The following CCDC192 variants were observed in gnomAD, a reference collection of about 807,000 sequenced individuals.
The protein encoded by CCDC192 is coiled-coil domain containing 192.
chr5:127,765,205 A>G (rs1313153274), intron 3 of CCDC192, among the ~76,000 whole-genome samples: 3 of 152,162 alleles, frequency 2.0e-5, no homozygotes, highest in Admixed American at 2.0e-4. Context: ...CTTTTCTACT[A>G]TCATTCTTTT....
chr5:127,758,234 G>C (rs1580608506), intron 3 of CCDC192, among the ~76,000 whole-genome samples: 1 of 152,132 alleles, frequency 6.6e-6, no homozygotes, highest in African/African-American at 2.4e-5. Flanking sequence ...GCCTAAATTT[G>C]TGCAAACTGG....
intron 6 of CCDC192, among the ~76,000 whole-genome samples, chr5:127,938,851 G>A (rs1754264179): frequency 6.6e-6 from 1 of 152,114 alleles, no homozygotes; most frequent in African/African-American, 2.4e-5. Flanking sequence ...GAAAGGAAAG[G>A]TGAGACCCTG....
intron 6 of CCDC192, among the ~76,000 whole-genome samples, chr5:127,928,770 C>CTT (rs1162784202): frequency 6.9e-6 from 1 of 145,118 alleles, no homozygotes; most frequent in African/African-American, 2.5e-5. Flanking sequence ...CCATGTTATT[C>CTT]TTTTTTTTTT....
chr5:127,851,305 A>G (rs1170534853), intron 5 of CCDC192, among the ~76,000 whole-genome samples: 2 of 152,192 alleles, frequency 1.3e-5, no homozygotes, highest in Non-Finnish European at 2.9e-5. Flanking sequence ...AAACCTGTGT[A>G]CCTACTTCTT....
intron 2 of CCDC192, among the ~76,000 whole-genome samples, chr5:127,715,773 A>G (rs896989667): frequency 1.3e-5 from 2 of 152,056 alleles, no homozygotes; most frequent in African/African-American, 4.8e-5. Flanking sequence ...TGTAGTTTTT[A>G]TTGTAAAGAT....
intron 6 of CCDC192, 93 bp from the exon 7 acceptor site, chr5:127,941,089 C>A: frequency 2.5e-6 from 1 of 397,964 alleles, no homozygotes; most frequent in Non-Finnish European, 4.4e-6. Context: ...CTTTTAAGAA[C>A]GTGAGAAATG....
chr5:127,930,517 G>T (rs1753998431), intron 6 of CCDC192, among the ~76,000 whole-genome samples: 1 of 152,214 alleles, frequency 6.6e-6, no homozygotes, highest in Non-Finnish European at 1.5e-5. Context: ...TGTGGGAGGA[G>T]ACTTCAGGTC....
At chr5:127,909,107 G>A (rs777735472) in intron 6 of CCDC192, among the ~76,000 whole-genome samples, 4 of 152,178 alleles carry the variant, frequency 2.6e-5, no homozygotes, top group Non-Finnish European at 5.9e-5. Flanking sequence ...GTTGCTAGAA[G>A]GAGGAGCTGA....
chr5:127,891,608 C>T (rs1186841066), intron 6 of CCDC192, among the ~76,000 whole-genome samples: 1 of 152,192 alleles, frequency 6.6e-6, no homozygotes, highest in Non-Finnish European at 1.5e-5. Context: ...TCATATACTT[C>T]TCTTTACTAG....
At chr5:127,716,687 T>C (rs1580521184) in intron 2 of CCDC192, among the ~76,000 whole-genome samples, 1 of 152,194 alleles carries the variant, frequency 6.6e-6, no homozygotes, top group Admixed American at 6.5e-5. Context: ...TTCCCTCAGC[T>C]GAGGGAGCTC....
At chr5:127,750,004 T>C (rs1010112431) in intron 2 of CCDC192, among the ~76,000 whole-genome samples, 4 of 150,034 alleles carry the variant, frequency 2.7e-5, no homozygotes, top group Non-Finnish European at 4.4e-5. Context: ...TCTTCTCTCT[T>C]TTTTTCTTTA....
At chr5:127,884,718 A>G (rs1752498900) in intron 6 of CCDC192, among the ~76,000 whole-genome samples, 1 of 152,224 alleles carries the variant, frequency 6.6e-6, no homozygotes, top group Non-Finnish European at 1.5e-5. Context: ...TTCTGGATAG[A>G]AGACAAAATA....
chr5:127,910,824 T>G (rs1316601199), intron 6 of CCDC192, among the ~76,000 whole-genome samples: 1 of 152,174 alleles, frequency 6.6e-6, no homozygotes, highest in Non-Finnish European at 1.5e-5. Flanking sequence ...CCTTTGAGGT[T>G]GTTTAAAAGT....
chr5:127,849,123 G>A (rs771035419), intron 5 of CCDC192, among the ~76,000 whole-genome samples: 18 of 152,214 alleles, frequency 1.2e-4, no homozygotes, highest in South Asian at 4.2e-4. Flanking sequence ...TCAGCTACTC[G>A]GGAGGCTGAG....
At chr5:127,877,559 T>C (rs1359201095) in intron 6 of CCDC192, among the ~76,000 whole-genome samples, 2 of 152,142 alleles carry the variant, frequency 1.3e-5, no homozygotes, top group African/African-American at 4.8e-5. Flanking sequence ...AAATCAAATA[T>C]TTGCACATTC....
chr5:127,941,312 A>C lies in CCDC192; in HGVS notation c.666A>C (p.Glu222Asp). ...CTGAGAGAATTACTCAGCTGAAAGAAGTTTTGGAGGAAAAGGAAAGGAAGA... is the reference window on the plus strand; with the variant it reads ...CTGAGAGAATTACTCAGCTGAAAGACGTTTTGGAGGAAAAGGAAAGGAAGA... ...LQTERITQLKEVLEEKERKIQ... is the reference protein window; with the variant it reads ...LQTERITQLKDVLEEKERKIQ... The change falls in exon 7 of 7, where the codon GAA (glutamate) becomes GAC (aspartate). Residue 222 changes from glutamate (E) to aspartate (D), a missense_variant. Physicochemically the swap from Glu to Asp is conservative, Grantham distance 45 (BLOSUM62 2). Coordinates refer to ENST00000514853, the MANE Select transcript of CCDC192 (RefSeq NM_001317938.2). 2.5e-6 allele frequency: 1 copy of C among 399,072 alleles called. No individual in the cohort carries two copies. The highest frequency in any genetic ancestry group is 4.4e-6 in the Non-Finnish European group (1 of 226,082). The allele number at this position is 399,072 out of a possible 1,614,324, so 24.7% of individuals were successfully genotyped here. A position where few individuals can be genotyped will look rare whatever the true frequency, so the allele number is the denominator to read the frequency against.
intron 5 of CCDC192, among the ~76,000 whole-genome samples, chr5:127,841,810 G>A (rs976315145): frequency 4.1e-5 from 5 of 121,046 alleles, no homozygotes; most frequent in East Asian, 2.3e-4. Context: ...GCATGCCTTG[G>A]TATGGGGGCA....
At chr5:127,838,102 C>G (rs1267153591) in intron 5 of CCDC192, among the ~76,000 whole-genome samples, 1 of 152,196 alleles carries the variant, frequency 6.6e-6, no homozygotes, top group Non-Finnish European at 1.5e-5. Context: ...ATTCTCAACC[C>G]CGCATGGGTA....
At chr5:127,767,820 A>T (rs148402794) in intron 3 of CCDC192, among the ~76,000 whole-genome samples, 2,042 of 152,294 alleles carry the variant, frequency 0.013, 37 homozygotes, top group African/African-American at 0.043. Context: ...TTTATTAAGG[A>T]TAATTTTCCC....
Sources: allele counts gnomAD v4.1 joint callset (sites outside exome capture counted in the v4.1 genomes callset), GRCh38; gene constraint gnomAD v4.1.1; transcripts MANE v1.5; gene names NCBI Gene and HGNC (gene_info 2026-07-23, HGNC 2026-07-21).